Variants in CLEC16A observed in about 807,000 individuals in gnomAD.
CLEC16A encodes the protein C-type lectin domain containing 16A.
A neutral mutation model predicts 109.5 loss-of-function variants in CLEC16A; 51 were observed. The ratio of observed to expected loss-of-function variants is 0.47; its 90% confidence interval spans 0.37 to 0.59. The LOEUF (loss-of-function observed/expected upper bound fraction) is 0.59. CLEC16A is among the 20% of genes least tolerant of loss of function. CLEC16A has a pLI of 0.00. For missense variants in CLEC16A, 1,339 were observed against 1,394.0 expected (o/e 0.96, Z 0.63); for synonymous variants, 673 against 564.2 (o/e 1.19, Z -2.73).
intron 23 of CLEC16A, 141 bp downstream of exon 23, chr16:11,166,693 C>A: frequency 1.2e-6 from 1 of 864,990 alleles, no homozygotes; most frequent in Non-Finnish European, 1.7e-6. Context: ...GCACATGAAG[C>A]CTCTAGAGAT....
At chr16:11,032,623 G>A (rs1567220986) in intron 13 of CLEC16A, among the ~76,000 whole-genome samples, 1 of 152,206 alleles carries the variant, frequency 6.6e-6, no homozygotes, top group East Asian at 1.9e-4. Context: ...TGTGCTGCAG[G>A]GGTTACTAGG....
chr16:11,176,848 C>A (rs937924577), intron 23 of CLEC16A, among the ~76,000 whole-genome samples: 1 of 152,234 alleles, frequency 6.6e-6, no homozygotes, highest in Non-Finnish European at 1.5e-5. Flanking sequence ...GTCTCTCGTG[C>A]TTTCGCTCCG....
chr16:11,017,562 G>C (rs1202860820), intron 11 of CLEC16A, among the ~76,000 whole-genome samples: 3 of 152,220 alleles, frequency 2.0e-5, no homozygotes, highest in Admixed American at 1.3e-4. Context: ...CTTCCACAGA[G>C]TATGGTATGG....
chr16:10,997,680 C>G (rs776388376), intron 10 of CLEC16A, among the ~76,000 whole-genome samples: 2 of 152,160 alleles, frequency 1.3e-5, no homozygotes, highest in Non-Finnish European at 2.9e-5. Context: ...GTGATGTAGA[C>G]GCAGGTAGAG....
chr16:11,163,692 G>C (rs574133013), intron 22 of CLEC16A, among the ~76,000 whole-genome samples: 52 of 152,148 alleles, frequency 3.4e-4, no homozygotes, highest in Admixed American at 6.5e-4. Flanking sequence ...GCTTTAAAGA[G>C]GGCAAGAGAA....
intron 1 of CLEC16A, among the ~76,000 whole-genome samples, chr16:10,951,582 A>C (rs1196469258): frequency 6.6e-6 from 1 of 152,216 alleles, no homozygotes; most frequent in Non-Finnish European, 1.5e-5. Flanking sequence ...CAGATGCCTC[A>C]GCTCCCAGAG....
intron 19 of CLEC16A, among the ~76,000 whole-genome samples, chr16:11,079,646 A>C (rs1041557100): frequency 6.6e-6 from 1 of 152,120 alleles, no homozygotes; most frequent in Non-Finnish European, 1.5e-5. Context: ...TTTATAATAC[A>C]CTTTGCATTT....
At chr16:11,131,023 G>A (rs552031492) in intron 22 of CLEC16A, among the ~76,000 whole-genome samples, 14 of 151,012 alleles carry the variant, frequency 9.3e-5, no homozygotes, top group African/African-American at 3.5e-4. Flanking sequence ...TCTTCCATTT[G>A]GCTCAGAAAA....
At position 11,126,126 on chromosome 16, in the gene CLEC16A, C is replaced by T. The variant is rs1204178085; in HGVS notation, c.2621C>T (p.Ala874Val). The T allele has an allele frequency of 1.9e-6, 3 of 1,613,724 alleles. No individual in the cohort carries two copies. The highest frequency in any genetic ancestry group is 3.3e-5 in the Admixed American group (2 of 60,000). ...SDPTVQRSVF[A>V]SVDKVPGFAV... ...CCCACAGTGCAGCGCTCCGTGTTTG[C>T]ATCGGTGGACAAGGTGCCAGGTGAG... Residue 874 changes from alanine to valine, a missense_variant, in exon 22 of 24, where the codon GCA becomes GTA. This residue lies in a region of CLEC16A where 1,061 missense variants were observed against 1,006.8 expected (regional missense o/e 1.05). Transcript: ENST00000409790.
At chr16:10,977,063 T>C (rs2043064674) in intron 7 of CLEC16A, among the ~76,000 whole-genome samples, 162 bp from the exon 8 acceptor site, 1 of 152,194 alleles carries the variant, frequency 6.6e-6, no homozygotes, top group African/African-American at 2.4e-5. Context: ...CCTGCCCATT[T>C]TCCCTTGTAT....
intron 19 of CLEC16A, among the ~76,000 whole-genome samples, chr16:11,067,984 C>T: frequency 6.6e-6 from 1 of 152,240 alleles, no homozygotes; most frequent in East Asian, 1.9e-4. Flanking sequence ...CACCTCCTGG[C>T]AAGGCAGGCT....
At chr16:10,965,464 T>C (rs1400148336) in intron 3 of CLEC16A, among the ~76,000 whole-genome samples, 1 of 152,228 alleles carries the variant, frequency 6.6e-6, no homozygotes, top group Admixed American at 6.5e-5. Flanking sequence ...GCTGTTTGCT[T>C]TTCTTTTTCC....
Position 11,168,002 on chromosome 16 carries a change from G to A in CLEC16A, c.2806+1450G>A, listed in dbSNP as rs552455502. Among the ~76,000 whole-genome samples the A allele has an allele frequency of 7.0e-4, 106 of 152,332 alleles. 1 individual carries two copies. Among genetic ancestry groups the A allele is most frequent in the Middle Eastern group, 6.8e-3 (2 of 294 alleles). ...ATTTACCGTTGCACTGGGGATGAAA[G>A]CTTCCTTGCCCTTGTAGCTGTGGTC... is the stretch of plus-strand genomic sequence containing the variant. On this transcript the variant is annotated intron_variant, in intron 23 of 23. Coordinates refer to ENST00000409790, the MANE Select transcript of CLEC16A (RefSeq NM_015226.3).
At position 11,178,614 on chromosome 16, in the gene CLEC16A, C is replaced by T. The variant is rs951068632; in HGVS notation, c.3086C>T (p.Thr1029Met). The T allele has an allele frequency of 1.0e-5, 16 of 1,600,856 alleles. No homozygotes were observed. The highest frequency in any genetic ancestry group is 5.3e-5 in the African/African-American group (4 of 74,814). Residue 1029 changes from threonine (T) to methionine (M), a missense_variant, in exon 24 of 24, where the codon ACG becomes ATG. By Grantham distance (81) the Thr-to-Met change is moderately conservative. Transcript: ENST00000409790. The surrounding 1 kb of genome is among the most constrained non-coding windows in gnomAD (Gnocchi z 6.5). ...CTCACCGGCATGCCCCCGCTGTCCACGCCGGCTGCCGCCTGCACAGAGCCC... is the reference window on the plus strand; with the variant it reads ...CTCACCGGCATGCCCCCGCTGTCCATGCCGGCTGCCGCCTGCACAGAGCCC... ...RSLTGMPPLSTPAAACTEPVG... is the reference protein window; with the variant it reads ...RSLTGMPPLSMPAAACTEPVG...
chr16:10,952,431 C>T (rs1406253797), intron 1 of CLEC16A, among the ~76,000 whole-genome samples: 1 of 152,150 alleles, frequency 6.6e-6, no homozygotes. Context: ...GAGGCGGAGG[C>T]CGCAGTGAGC....
intron 1 of CLEC16A, among the ~76,000 whole-genome samples, chr16:10,950,533 C>T (rs952444770): frequency 1.3e-5 from 2 of 152,226 alleles, no homozygotes; most frequent in Non-Finnish European, 2.9e-5. Context: ...CACTTGCCGG[C>T]CCTGTTTGAC....
chr16:11,067,418 G>T (rs1036502553), intron 19 of CLEC16A, among the ~76,000 whole-genome samples: 6 of 152,030 alleles, frequency 3.9e-5, no homozygotes, highest in African/African-American at 1.4e-4. Context: ...GGGCTGCAGG[G>T]GGGGTGTGGG....
intron 23 of CLEC16A, among the ~76,000 whole-genome samples, chr16:11,173,956 G>A (rs536006277): frequency 1.8e-4 from 27 of 152,272 alleles, no homozygotes; most frequent in Admixed American, 5.2e-4. Flanking sequence ...CCTGGGGGTT[G>A]CATGGGGGGT....
intron 20 of CLEC16A, among the ~76,000 whole-genome samples, chr16:11,122,382 A>T (rs2052486967): frequency 6.6e-6 from 1 of 152,252 alleles, no homozygotes; most frequent in Non-Finnish European, 1.5e-5. Flanking sequence ...ATCTAGGCTT[A>T]TGATTAATTT....
Sources: allele counts gnomAD v4.1 joint callset (sites outside exome capture counted in the v4.1 genomes callset), GRCh38; gene constraint gnomAD v4.1.1; regional missense constraint gnomAD v4.1.1; non-coding constraint Gnocchi (gnomAD v3.1); transcripts MANE v1.5; gene names NCBI Gene and HGNC (gene_info 2026-07-23, HGNC 2026-07-21).